IQCJ: variants seen among roughly 807,000 people sequenced by gnomAD.
IQCJ encodes the protein IQ domain-containing protein J.
Under a neutral mutation model 11.0 loss-of-function variants are expected in IQCJ, and 9 were observed. The observed-to-expected ratio is 0.82, with a 90% CI of 0.49 to 1.43. IQCJ has a LOEUF of 1.43. Among genes scored for constraint, IQCJ ranks in the 40% most tolerant of loss-of-function variants. The probability of loss-of-function intolerance (pLI) is 0.00; values close to 1 mark genes in which losing one functional copy is unlikely to be tolerated. For synonymous variants in IQCJ, 55 were observed against 51.3 expected (o/e 1.07, Z -0.31); for missense variants, 146 against 133.2 (o/e 1.10, Z -0.47).
In IQCJ at chr3:159,160,067, C is replaced by G. The variant is rs138478037; in HGVS notation, c.10-85776C>G. ...AGATACCATGGTCTTCATCAAATGG[C>G]TCAAATGACATAAAGCTATCAAGAG... On this transcript the variant is annotated intron_variant, in intron 1 of 3. Transcript: ENST00000397832. Among the ~76,000 whole-genome samples the G allele has an allele frequency of 3.6e-3, 541 of 152,250 alleles. 4 individuals are homozygous for G. The highest frequency in any genetic ancestry group is 0.012 in the African/African-American group (513 of 41,554).
At chr3:159,110,893 G>A (rs7638411) in intron 1 of IQCJ, among the ~76,000 whole-genome samples, 120,052 of 152,132 alleles carry the variant, frequency 0.79, 47,517 homozygotes, top group African/African-American at 0.84. Flanking sequence ...ACAAAATCCA[G>A]TCTGAAATTG....
At chr3:159,080,061 A>G (rs1716205829) in intron 1 of IQCJ, among the ~76,000 whole-genome samples, 1 of 152,154 alleles carries the variant, frequency 6.6e-6, no homozygotes, top group African/African-American at 2.4e-5. Flanking sequence ...CCTTTACAAT[A>G]GACTGTATTG....
intron 1 of IQCJ, among the ~76,000 whole-genome samples, chr3:159,233,120 C>G (rs1158649530): frequency 6.6e-6 from 1 of 152,078 alleles, no homozygotes; most frequent in Non-Finnish European, 1.5e-5. Flanking sequence ...TTTGAACCCA[C>G]ATCTGGACTG....
intron 3 of IQCJ, 54 bp downstream of exon 3, chr3:159,252,861 TG>T (rs1236842312): frequency 2.3e-5 from 36 of 1,540,276 alleles, no homozygotes; most frequent in Non-Finnish European, 3.0e-5. Context: ...TATGAATTCC[TG>T]AATAAATCTG....
intron 1 of IQCJ, among the ~76,000 whole-genome samples, chr3:159,194,807 G>A (rs1021215072): frequency 6.6e-6 from 1 of 152,126 alleles, no homozygotes; most frequent in African/African-American, 2.4e-5. Context: ...CAAAGTCCTT[G>A]GCAGGATTTA....
intron 1 of IQCJ, among the ~76,000 whole-genome samples, chr3:159,090,835 A>C (rs1023432676): frequency 9.9e-5 from 15 of 151,888 alleles, no homozygotes; most frequent in Non-Finnish European, 1.8e-4. Context: ...AATTGGAAGG[A>C]ATCGACAAAA....
intron 3 of IQCJ, among the ~76,000 whole-genome samples, chr3:159,259,023 C>T (rs1405710608): frequency 3.3e-5 from 5 of 152,182 alleles, no homozygotes; most frequent in African/African-American, 1.2e-4. Context: ...AATTAAAATA[C>T]TAGGACTCCC....
At chr3:159,212,990 G>A (rs955871770) in intron 1 of IQCJ, among the ~76,000 whole-genome samples, 1 of 151,916 alleles carries the variant, frequency 6.6e-6, no homozygotes, top group Admixed American at 6.6e-5. Flanking sequence ...GTTGATATTG[G>A]GTGATTTATT....
chr3:159,215,433 A>G (rs1199189864), intron 1 of IQCJ, among the ~76,000 whole-genome samples: 1 of 152,174 alleles, frequency 6.6e-6, no homozygotes, highest in Non-Finnish European at 1.5e-5. Flanking sequence ...TGAAATGCCA[A>G]GGTGCCATAT....
chr3:159,227,652 G>A (rs115373934), intron 1 of IQCJ, among the ~76,000 whole-genome samples: 201 of 152,246 alleles, frequency 1.3e-3, no homozygotes, highest in African/African-American at 4.7e-3. Context: ...CATATTGTAC[G>A]CATCACATTT....
At chr3:159,201,060 C>G (rs1412194362) in intron 1 of IQCJ, among the ~76,000 whole-genome samples, 1 of 152,106 alleles carries the variant, frequency 6.6e-6, no homozygotes, top group Non-Finnish European at 1.5e-5. Flanking sequence ...GTAGTAAAAG[C>G]TAAGAGAAAT....
At chr3:159,088,142 G>A (rs1401532990) in intron 1 of IQCJ, among the ~76,000 whole-genome samples, 3 of 152,106 alleles carry the variant, frequency 2.0e-5, no homozygotes, top group Non-Finnish European at 2.9e-5. Context: ...TGGTTTCAAA[G>A]AACATCTTTA....
intron 1 of IQCJ, among the ~76,000 whole-genome samples, chr3:159,179,240 T>A (rs1362063497): frequency 6.6e-6 from 1 of 152,150 alleles, no homozygotes; most frequent in Non-Finnish European, 1.5e-5. Flanking sequence ...AGCTCCCTGG[T>A]CTTCTGTGTT....
rs368366806 is a variant in IQCJ, at chr3:159,142,652, A to G, written c.9+73211A>G. On this transcript the variant is annotated intron_variant, in intron 1 of 3. Coordinates refer to ENST00000397832, the MANE Select transcript of IQCJ (RefSeq NM_001042706.3). ...AGGCTGGTCTCGAACTCCTGACGTC[A>G]GGTGATCTACCTGCCTCAGCCTCCC... 3.2e-3 allele frequency among the ~76,000 whole-genome samples: 490 copies of G among 152,280 alleles called. 2 individuals are homozygous for G. Among genetic ancestry groups the G allele is most frequent in the African/African-American group, 0.011 (463 of 41,562 alleles).
intron 1 of IQCJ, among the ~76,000 whole-genome samples, chr3:159,147,568 C>G (rs1047253825): frequency 6.6e-6 from 1 of 152,130 alleles, no homozygotes; most frequent in East Asian, 1.9e-4. Context: ...CTGATTGTGA[C>G]CTTAAGCAAA....
At chr3:159,081,861 T>C (rs991002957) in intron 1 of IQCJ, among the ~76,000 whole-genome samples, 1 of 152,154 alleles carries the variant, frequency 6.6e-6, no homozygotes, top group Non-Finnish European at 1.5e-5. Flanking sequence ...TTAAGTAGAA[T>C]AAACATACTT....
At chr3:159,232,436 G>T (rs9829189) in intron 1 of IQCJ, among the ~76,000 whole-genome samples, 1 of 144,322 alleles carries the variant, frequency 6.9e-6, no homozygotes, top group African/African-American at 2.6e-5. Flanking sequence ...GTGTAGTGCC[G>T]TTTTGAGAGA....
chr3:159,262,980 C>A lies in IQCJ; in HGVS notation c.*249C>A, dbSNP rs1728305191. 1.7e-6 allele frequency: 2 copies of A among 1,192,544 alleles called. No homozygotes were observed. The highest frequency in any genetic ancestry group is 1.0e-6 in the Non-Finnish European group (1 of 956,216). 73.9% of individuals were successfully genotyped at this position (1,192,544 alleles called of 1,614,324 possible). Reference sequence around the variant, plus strand: ...TGCTTTTCTTTATAATAGCATATTTCTTTTAGTATGTGCTGTGTGTTTCTT... The same window carrying A: ...TGCTTTTCTTTATAATAGCATATTTATTTTAGTATGTGCTGTGTGTTTCTT... On this transcript the variant is annotated 3_prime_UTR_variant, in exon 4 of 4. Transcript: ENST00000397832.
In IQCJ at chr3:159,093,760, C is replaced by T. The variant is rs140437156; in HGVS notation, c.9+24319C>T. Among the ~76,000 whole-genome samples, 138 of 151,994 alleles carry T rather than the reference C, an allele frequency of 9.1e-4. 2 individuals are homozygous for T. Among genetic ancestry groups the T allele is most frequent in the South Asian group, 4.4e-3 (21 of 4,826 alleles). On this transcript the variant is annotated intron_variant, in intron 1 of 3. Transcript: ENST00000397832. ...ATCATGGCGAAAGGGGAAGCAAACA[C>T]ATCCTTCTTCACATGGCAGCAGGAG...
Sources: allele counts gnomAD v4.1 joint callset (sites outside exome capture counted in the v4.1 genomes callset), GRCh38; gene constraint gnomAD v4.1.1; transcripts MANE v1.5; gene names NCBI Gene and HGNC (gene_info 2026-07-23, HGNC 2026-07-21).